Variants in MYO5A observed in about 807,000 individuals in gnomAD.
MYO5A encodes the protein myosin VA.
In MYO5A, 98 loss-of-function variants were observed where a neutral mutation model predicts 249.7. The observed-to-expected ratio is 0.39, with a 90% CI of 0.33 to 0.46. The LOEUF is 0.46. MYO5A is among the 20% of genes least tolerant of loss of function. The pLI is 0.98. For missense variants in MYO5A, 1,696 were observed against 2,308.8 expected (o/e 0.73, Z 5.44); for synonymous variants, 778 against 810.6 (o/e 0.96, Z 0.68).
chr15:52,476,140 T>C (rs550485948), intron 1 of MYO5A, among the ~76,000 whole-genome samples: 12 of 152,344 alleles, frequency 7.9e-5, no homozygotes, highest in Admixed American at 3.9e-4. Flanking sequence ...TTTATCATTA[T>C]GTAATGGCCT....
chr15:52,489,335 C>T (rs1042513834), intron 1 of MYO5A, among the ~76,000 whole-genome samples: 8 of 152,080 alleles, frequency 5.3e-5, no homozygotes, highest in South Asian at 2.1e-4. Flanking sequence ...GAGGCCGGGG[C>T]GGGCGGATCA....
intron 39 of MYO5A, among the ~76,000 whole-genome samples, chr15:52,318,570 G>T (rs1163744090): frequency 1.3e-5 from 2 of 151,458 alleles, no homozygotes; most frequent in African/African-American, 4.9e-5. Context: ...TATAGAGGGG[G>T]GATATTTTAA....
intron 27 of MYO5A, among the ~76,000 whole-genome samples, chr15:52,352,712 G>A (rs564706658): frequency 6.6e-6 from 1 of 152,230 alleles, no homozygotes; most frequent in African/African-American, 2.4e-5. Flanking sequence ...GAACCTGGGA[G>A]GCGGTGCTTG....
chr15:52,334,938 C>T (rs2039046386), intron 34 of MYO5A, among the ~76,000 whole-genome samples: 1 of 152,164 alleles, frequency 6.6e-6, no homozygotes, highest in African/African-American at 2.4e-5. Flanking sequence ...TGACTCTGGT[C>T]TCAAAGGCTG....
chr15:52,329,432 G>A (rs1015114295), intron 35 of MYO5A, among the ~76,000 whole-genome samples: 1 of 152,314 alleles, frequency 6.6e-6, no homozygotes, highest in South Asian at 2.1e-4. Flanking sequence ...CTTACGGTGT[G>A]TACACTCTAA....
intron 1 of MYO5A, among the ~76,000 whole-genome samples, chr15:52,457,677 C>T (rs560292402): frequency 6.6e-6 from 1 of 152,086 alleles, no homozygotes; most frequent in South Asian, 2.1e-4. Flanking sequence ...TAAATTAGAA[C>T]AGTCATTATG....
chr15:52,465,435 G>A (rs538860048), intron 1 of MYO5A, among the ~76,000 whole-genome samples: 37 of 151,848 alleles, frequency 2.4e-4, no homozygotes, highest in Non-Finnish European at 5.1e-4. Context: ...AAAAACTTCT[G>A]GGTGCCAAAA....
In MYO5A at chr15:52,389,408, G is replaced by T. The variant is rs372159630; in HGVS notation, c.1543-45C>A. 5.1e-6 allele frequency: 8 copies of T among 1,576,360 alleles called. No individual in the cohort carries two copies. In the African/African-American group the frequency reaches 8.1e-5, roughly 16 times the overall value. ...GAAGAAAGAAAACAAGGTAAATACTGTGATTCCTCTAAAGCATCAGCTGTC... is the reference window on the plus strand; with the variant it reads ...GAAGAAAGAAAACAAGGTAAATACTTTGATTCCTCTAAAGCATCAGCTGTC... On this transcript the variant is annotated intron_variant, in intron 12 of 41. Transcript: ENST00000399233.
chr15:52,467,127 G>A (rs1012213514), intron 1 of MYO5A, among the ~76,000 whole-genome samples: 1 of 152,134 alleles, frequency 6.6e-6, no homozygotes, highest in Non-Finnish European at 1.5e-5. Flanking sequence ...GAAAAAGCAA[G>A]GTATTATGGC....
chr15:52,501,105 G>A (rs1348481721), intron 1 of MYO5A, among the ~76,000 whole-genome samples: 1 of 151,896 alleles, frequency 6.6e-6, no homozygotes, highest in African/African-American at 2.4e-5. Context: ...GAGTAGCTGG[G>A]ACTACAGGCG....
chr15:52,528,883 G>A, upstream of MYO5A: 3 of 1,329,500 alleles, frequency 2.3e-6, no homozygotes, highest in South Asian at 1.8e-5. Flanking sequence ...AGCGGACTAG[G>A]AAGCGCCCGC....
At chr15:52,493,329 A>G (rs752422600) in intron 1 of MYO5A, among the ~76,000 whole-genome samples, 1 of 152,220 alleles carries the variant, frequency 6.6e-6, no homozygotes, top group Non-Finnish European at 1.5e-5. Flanking sequence ...TTCCCATAGC[A>G]CATTAACAAA....
At chr15:52,441,941 G>A (rs979808440) in intron 1 of MYO5A, among the ~76,000 whole-genome samples, 3 of 152,034 alleles carry the variant, frequency 2.0e-5, no homozygotes, top group Admixed American at 6.6e-5. Context: ...AAGAATTATC[G>A]GTCTTACCAA....
chr15:52,476,338 C>G (rs1567162654), intron 1 of MYO5A, among the ~76,000 whole-genome samples: 1 of 152,062 alleles, frequency 6.6e-6, no homozygotes, highest in Non-Finnish European at 1.5e-5. Flanking sequence ...GGTCTTGACT[C>G]TTTATCAAAT....
intron 34 of MYO5A, among the ~76,000 whole-genome samples, chr15:52,335,467 G>A (rs7167916): frequency 0.098 from 12,975 of 131,966 alleles, 1,794 homozygotes; most frequent in African/African-American, 0.32. Context: ...AGTGAGCCGA[G>A]ATTGCACCAC....
chr15:52,445,368 A>T (rs981790437), intron 1 of MYO5A, among the ~76,000 whole-genome samples: 2 of 152,066 alleles, frequency 1.3e-5, no homozygotes, highest in Admixed American at 6.6e-5. Context: ...AGATGCCGCC[A>T]TGCTTCATGT....
intron 31 of MYO5A, among the ~76,000 whole-genome samples, chr15:52,341,610 G>A (rs1053454061): frequency 6.6e-6 from 1 of 152,214 alleles, no homozygotes; most frequent in African/African-American, 2.4e-5. Flanking sequence ...GTTGCCAACT[G>A]CTGGGTAAAA....
intron 28 of MYO5A, among the ~76,000 whole-genome samples, chr15:52,349,142 T>C (rs752707484): frequency 3.3e-5 from 5 of 152,192 alleles, no homozygotes; most frequent in Non-Finnish European, 5.9e-5. Context: ...CTCCTGTTAT[T>C]TGTGGGTGAA....
rs775954470 is a variant in MYO5A, at chr15:52,428,453, C to A, written c.255G>T (p.Val85=). The change falls in exon 3 of 42, where the codon GTG becomes GTT. Residue 85 remains valine, a synonymous_variant. Transcript: ENST00000399233. ...TALSYLHEPA[V]LHNLRVRFID... ...TAAAGCGGACTCTGAGATTATGGAGCACAGCAGGCTCATGAAGATAGCTGA... is the reference window on the plus strand; with the variant it reads ...TAAAGCGGACTCTGAGATTATGGAGAACAGCAGGCTCATGAAGATAGCTGA... 1.9e-6 allele frequency: 3 copies of A among 1,614,024 alleles called. No individual in the cohort carries two copies. The highest frequency in any genetic ancestry group is 1.3e-5 in the African/African-American group (1 of 74,932).
Sources: gnomAD v4.1 joint callset for allele counts (sites outside exome capture counted in the v4.1 genomes callset) on GRCh38, gnomAD v4.1.1 for gene constraint, MANE v1.5 for transcripts, NCBI Gene and HGNC (gene_info 2026-07-23, HGNC 2026-07-21) for gene names.